Variants in MAP2K5 observed in about 807,000 individuals in gnomAD.
The protein encoded by MAP2K5 is mitogen-activated protein kinase kinase 5, also known as dual specificity mitogen-activated protein kinase kinase 5.
Under a neutral mutation model 83.1 loss-of-function variants are expected in MAP2K5, and 49 were observed. The observed-to-expected ratio is 0.59, with a 90% CI of 0.47 to 0.75. The LOEUF is 0.75. Among genes scored for constraint, MAP2K5 ranks in the 30% least tolerant of loss-of-function variants. The pLI, the probability that MAP2K5 is intolerant of heterozygous loss-of-function variation, is 0.00. For synonymous variants in MAP2K5, 202 were observed against 191.8 expected (o/e 1.05, Z -0.44); for missense variants, 457 against 557.5 (o/e 0.82, Z 1.82).
At chr15:67,771,385 G>A (rs1434844551) in intron 20 of MAP2K5, among the ~76,000 whole-genome samples, 1 of 152,148 alleles carries the variant, frequency 6.6e-6, no homozygotes, top group Non-Finnish European at 1.5e-5. Context: ...ACCTGGGGGT[G>A]GGGCTGGTCT....
intron 16 of MAP2K5, among the ~76,000 whole-genome samples, chr15:67,709,560 A>G (rs1219780506): frequency 3.3e-5 from 5 of 152,066 alleles, no homozygotes; most frequent in Non-Finnish European, 5.9e-5. Flanking sequence ...CAAGTTTGAT[A>G]GTTTTATTAG....
At chr15:67,721,727 G>C (rs1163119431) in intron 16 of MAP2K5, among the ~76,000 whole-genome samples, 1 of 152,196 alleles carries the variant, frequency 6.6e-6, no homozygotes, top group Non-Finnish European at 1.5e-5. Context: ...TTGTAGGAAA[G>C]AGTTTGTGAA....
chr15:67,546,722 C>A (rs899550092), intron 1 of MAP2K5: 1 of 538,016 alleles, frequency 1.9e-6, no homozygotes, highest in African/African-American at 2.1e-5. Flanking sequence ...ACCCTCTCCC[C>A]TCTTCTTTTT....
chr15:67,773,404 T>C (rs1040278113), intron 21 of MAP2K5, among the ~76,000 whole-genome samples: 4 of 152,204 alleles, frequency 2.6e-5, no homozygotes, highest in Non-Finnish European at 5.9e-5. Flanking sequence ...GGATCGAGCA[T>C]TAGTAAATAA....
At chr15:67,784,371 G>A (rs888617381) in intron 21 of MAP2K5, among the ~76,000 whole-genome samples, 1 of 152,224 alleles carries the variant, frequency 6.6e-6, no homozygotes, top group African/African-American at 2.4e-5. Context: ...GAAAAATAAA[G>A]CTAAATACAA....
At chr15:67,730,976 A>C (rs1353181174) in intron 17 of MAP2K5, among the ~76,000 whole-genome samples, 1 of 152,164 alleles carries the variant, frequency 6.6e-6, no homozygotes, top group African/African-American at 2.4e-5. Context: ...TACCTCTTCT[A>C]TCTGATTAAA....
intron 19 of MAP2K5, among the ~76,000 whole-genome samples, chr15:67,759,528 C>G (rs1443518272): frequency 6.7e-6 from 1 of 148,668 alleles, no homozygotes; most frequent in Non-Finnish European, 1.5e-5. Flanking sequence ...CTACTGCACT[C>G]TAGCCTGGAT....
rs60189100 is a variant in MAP2K5 at position 67,627,855 on chromosome 15, C to T, written c.546-3033C>T. 5,104 of 564,654 alleles carry T rather than the reference C, an allele frequency of 9.0e-3. 225 individuals carry two copies. The highest frequency in any genetic ancestry group is 0.086 in the African/African-American group (4,518 of 52,654). The allele number at this position is 564,654 out of a possible 1,614,324, so 35.0% of individuals were successfully genotyped here. On this transcript the variant is annotated intron_variant, in intron 8 of 21. Transcript: ENST00000178640. ...GTCTCTGTTCTCCCTGCTGTCATGTCTAAGTCAGAGTCTCCTAAAGAGCCT... is the reference window on the plus strand; with the variant it reads ...GTCTCTGTTCTCCCTGCTGTCATGTTTAAGTCAGAGTCTCCTAAAGAGCCT...
At chr15:67,683,776 C>T (rs776981862) in intron 13 of MAP2K5, among the ~76,000 whole-genome samples, 4 of 152,098 alleles carry the variant, frequency 2.6e-5, no homozygotes, top group Non-Finnish European at 5.9e-5. Context: ...CAAAACAAAA[C>T]AAACAAACAA....
At chr15:67,632,563 A>G (rs902741907) in intron 9 of MAP2K5, among the ~76,000 whole-genome samples, 3 of 152,168 alleles carry the variant, frequency 2.0e-5, no homozygotes, top group African/African-American at 4.8e-5. Flanking sequence ...TCCAAAGCTC[A>G]TCTCCTCTGT....
rs948690758 is a variant in MAP2K5 at position 67,777,526 on chromosome 15, C to T, written c.1242+4774C>T. On this transcript the variant is annotated intron_variant, in intron 21 of 21. Transcript: ENST00000178640. The surrounding 1 kb of genome is among the most constrained non-coding windows in gnomAD (Gnocchi z 6.0). ...TCCCCCTCCTTTGTAGCATGCACTTCGGCTGTGGTAAAAGTACGTATCACA... is the reference window on the plus strand; with the variant it reads ...TCCCCCTCCTTTGTAGCATGCACTTTGGCTGTGGTAAAAGTACGTATCACA... Among the ~76,000 whole-genome samples the T allele has an allele frequency of 5.9e-5, 9 of 152,144 alleles. No individual in the cohort carries two copies. Among genetic ancestry groups the T allele is most frequent in the East Asian group, 1.9e-4 (1 of 5,200 alleles).
intron 2 of MAP2K5, among the ~76,000 whole-genome samples, chr15:67,551,250 C>A (rs1177360109): frequency 6.6e-6 from 1 of 152,164 alleles, no homozygotes; most frequent in Non-Finnish European, 1.5e-5. Context: ...CTTAGCAGAT[C>A]CACTGTCAGG....
At chr15:67,662,647 G>T (rs190008811) in intron 12 of MAP2K5, among the ~76,000 whole-genome samples, 82 of 152,166 alleles carry the variant, frequency 5.4e-4, no homozygotes, top group African/African-American at 2.0e-3. Context: ...TTTTAATGGT[G>T]ACCACTGATT....
Position 67,586,895 on chromosome 15 carries a change from A to G in MAP2K5, c.413A>G (p.Asp138Gly), listed in dbSNP as rs201962578. The change falls in exon 6 of 22, where the codon GAT (aspartate) becomes GGT (glycine). Residue 138 changes from aspartate (D) to glycine (G), a missense_variant. By Grantham distance (94) the Asp-to-Gly change is moderately conservative. This residue lies in a region of MAP2K5 where 234 missense variants were observed against 243.6 expected (regional missense o/e 0.96). Transcript: ENST00000178640. Reference protein sequence around the residue: ...PSQHSSPAVSDSLPSNSLKKS... With the variant: ...PSQHSSPAVSGSLPSNSLKKS... ...CAACACAGCAGCCCAGCAGTCTCAG[A>G]TTCACTTCCAAGCAATAGGTGCGAG... The G allele has an allele frequency of 9.9e-6, 16 of 1,614,128 alleles. No individual in the cohort carries two copies. The East Asian group carries it at 3.6e-4, about 36-fold the overall frequency.
chr15:67,627,924 C>T, intron 8 of MAP2K5: 2 of 789,712 alleles, frequency 2.5e-6, no homozygotes, highest in Admixed American at 1.8e-5. Context: ...AACTTTGAAA[C>T]AACCGATGAG....
rs534509787 is a variant in MAP2K5 at position 67,589,382 on chromosome 15, T to C, written c.431+2469T>C. ...TTCTTTTGCCTTAGGTGAATAACTG[T>C]TTATTAAACTGGGTTTACTAATGCA... On this transcript the variant is annotated intron_variant, in intron 6 of 21. Transcript: ENST00000178640. 1.1e-4 allele frequency among the ~76,000 whole-genome samples: 17 copies of C among 152,380 alleles called. No homozygotes were observed. In the South Asian group the frequency reaches 3.5e-3, roughly 32 times the overall value.
chr15:67,653,290 T>TA (rs1396630869), intron 11 of MAP2K5, among the ~76,000 whole-genome samples: 1 of 145,308 alleles, frequency 6.9e-6, no homozygotes, highest in East Asian at 2.0e-4. Context: ...TTAAAATATT[T>TA]TTTTTTTTTT....
chr15:67,639,653 C>G (rs1288943003), intron 9 of MAP2K5, among the ~76,000 whole-genome samples: 1 of 152,188 alleles, frequency 6.6e-6, no homozygotes, highest in Non-Finnish European at 1.5e-5. Flanking sequence ...CGTCACTTCC[C>G]AGATAAACTA....
intron 1 of MAP2K5, chr15:67,549,240 C>T: frequency 6.8e-7 from 1 of 1,461,172 alleles, no homozygotes; most frequent in Non-Finnish European, 9.3e-7. Context: ...ATTAAGCTGT[C>T]TCAGTATACT....
Sources: allele counts gnomAD v4.1 joint callset (sites outside exome capture counted in the v4.1 genomes callset), GRCh38; gene constraint gnomAD v4.1.1; regional missense constraint gnomAD v4.1.1; non-coding constraint Gnocchi (gnomAD v3.1); transcripts MANE v1.5; gene names NCBI Gene and HGNC (gene_info 2026-07-23, HGNC 2026-07-21).